CDH6: variants seen among roughly 807,000 people sequenced by gnomAD.
CDH6 encodes the protein cadherin 6.
CDH6 carries 31 observed loss-of-function variants against 78.0 expected under a neutral mutation model. That is an observed-to-expected ratio of 0.40 (90% CI 0.30 to 0.54). CDH6 has a LOEUF of 0.54. CDH6 is among the 20% of genes least tolerant of loss of function. CDH6 has a pLI of 0.56. For missense variants in CDH6, 724 were observed against 975.9 expected (o/e 0.74, Z 3.44); for synonymous variants, 376 against 368.8 (o/e 1.02, Z -0.23).
chr5:31,292,264 A>G (rs1737394648), intron 2 of CDH6, among the ~76,000 whole-genome samples: 1 of 152,216 alleles, frequency 6.6e-6, no homozygotes, highest in Admixed American at 6.5e-5. Flanking sequence ...TAAACAAGAC[A>G]GGGAAAACTA....
Position 31,326,593 on chromosome 5 carries a change from C to T in CDH6, c.*3285C>T, listed in dbSNP as rs1203088330. ...TACTCCCTTTTCAGATGGAACAAAA[C>T]CTGCCCATTTAATTTTAACGCAGTA... On this transcript the variant is annotated 3_prime_UTR_variant, in exon 12 of 12. Coordinates refer to ENST00000265071, the MANE Select transcript of CDH6 (RefSeq NM_004932.4). 2 of 185,824 alleles carry T rather than the reference C, an allele frequency of 1.1e-5. No individual in the cohort carries two copies. Among genetic ancestry groups the T allele is most frequent in the African/African-American group, 4.7e-5 (2 of 42,658 alleles). 11.5% of individuals were successfully genotyped at this position (185,824 alleles called of 1,614,324 possible).
At position 31,297,186 on chromosome 5, in the gene CDH6, C is replaced by G. The variant is rs10042949; in HGVS notation, c.524-103C>G. The G allele has an allele frequency of 3.0e-3, 3,025 of 993,258 alleles. 73 individuals are homozygous for G. In the African/African-American group the frequency reaches 0.044, roughly 14 times the overall value. The allele number at this position is 993,258 out of a possible 1,614,324, so 61.5% of individuals were successfully genotyped here. On this transcript the variant is annotated intron_variant, in intron 3 of 11. Transcript: ENST00000265071. ...CTACCAAAGTTCTCGACTTCCTCAG[C>G]ATGATATTTCCATACAAAATTAAGA...
intron 8 of CDH6, 38 bp from the exon 9 acceptor site, chr5:31,316,170 A>C (rs999374243): frequency 6.3e-7 from 1 of 1,584,758 alleles, no homozygotes; most frequent in African/African-American, 1.4e-5. Context: ...GGCAATCAAC[A>C]TGTAAATGCC....
chr5:31,266,894 A>T (rs533452270), intron 1 of CDH6, among the ~76,000 whole-genome samples: 1 of 152,208 alleles, frequency 6.6e-6, no homozygotes, highest in Non-Finnish European at 1.5e-5. Flanking sequence ...TCAGGGATTC[A>T]ATACATTTTA....
At position 31,305,387 on chromosome 5, in the gene CDH6, G is replaced by A. The variant is rs774976574; in HGVS notation, c.1213G>A (p.Val405Ile). ...DAQINTTIGS[V>I]TAQDPDAARN... ...TCAGATAAACACCACAATAGGCTCCGTCACAGCCCAAGATCCAGATGCTGC... is the reference window on the plus strand; with the variant it reads ...TCAGATAAACACCACAATAGGCTCCATCACAGCCCAAGATCCAGATGCTGC... The change falls in exon 7 of 12, where the codon GTC (valine) becomes ATC (isoleucine). Residue 405 changes from valine to isoleucine, a missense_variant. By Grantham distance (29) the Val-to-Ile change is conservative. Coordinates refer to ENST00000265071, the MANE Select transcript of CDH6 (RefSeq NM_004932.4). 28 of 1,613,958 alleles carry A rather than the reference G, an allele frequency of 1.7e-5. No individual in the cohort carries two copies. The highest frequency in any genetic ancestry group is 1.6e-4 in the Middle Eastern group (1 of 6,078).
At chr5:31,241,167 G>A (rs545260518) in intron 1 of CDH6, among the ~76,000 whole-genome samples, 123 of 152,260 alleles carry the variant, frequency 8.1e-4, no homozygotes, top group Non-Finnish European at 1.6e-3. Flanking sequence ...TGGTCATGGC[G>A]TCTCTCAGCC....
intron 4 of CDH6, among the ~76,000 whole-genome samples, chr5:31,298,836 G>C (rs978879358): frequency 6.6e-6 from 1 of 152,086 alleles, no homozygotes; most frequent in Non-Finnish European, 1.5e-5. Flanking sequence ...AATTCTAAAA[G>C]GCTGAAAGAC....
At chr5:31,224,515 C>G (rs1741093856) in intron 1 of CDH6, among the ~76,000 whole-genome samples, 1 of 152,140 alleles carries the variant, frequency 6.6e-6, no homozygotes, top group South Asian at 2.1e-4. Context: ...CAGTTAATCT[C>G]CAAGTTTCCA....
intron 2 of CDH6, among the ~76,000 whole-genome samples, chr5:31,285,410 T>A (rs945524887): frequency 6.6e-6 from 1 of 152,240 alleles, no homozygotes; most frequent in African/African-American, 2.4e-5. Context: ...GTTCCTTCTA[T>A]GCTATTCTCC....
At chr5:31,243,804 A>C (rs1468821906) in intron 1 of CDH6, among the ~76,000 whole-genome samples, 1 of 152,216 alleles carries the variant, frequency 6.6e-6, no homozygotes, top group African/African-American at 2.4e-5. Flanking sequence ...GCAAACCTCG[A>C]TTCTATCTAC....
rs1196739181 is a variant in CDH6 at position 31,328,841 on chromosome 5, A to G, written c.*5533A>G. 1.8e-5 allele frequency: 4 copies of G among 219,432 alleles called. No individual in the cohort carries two copies. Among genetic ancestry groups the G allele is most frequent in the African/African-American group, 4.5e-5 (2 of 44,594 alleles). The allele number at this position is 219,432 out of a possible 1,614,324, so 13.6% of individuals were successfully genotyped here. On this transcript the variant is annotated 3_prime_UTR_variant, in exon 12 of 12. Transcript: ENST00000265071. The stretch of plus-strand genomic sequence containing the variant: ...CAAGCAATGCTCAGTTCCCATCAAC[A>G]TTTCTAGTTAGGGGGATTCTCATAA...
At chr5:31,208,686 C>T (rs1185319932) in intron 1 of CDH6, among the ~76,000 whole-genome samples, 3 of 152,076 alleles carry the variant, frequency 2.0e-5, no homozygotes, top group African/African-American at 4.8e-5. Context: ...GTTATCAACC[C>T]ATAGTAGCAC....
chr5:31,228,820 G>A (rs1043718468), intron 1 of CDH6, among the ~76,000 whole-genome samples: 5 of 152,296 alleles, frequency 3.3e-5, no homozygotes, highest in Middle Eastern at 6.8e-3. Context: ...CTGTGTGGCC[G>A]GGTTCCTAAC....
At chr5:31,272,829 G>T (rs1288469732) in intron 2 of CDH6, among the ~76,000 whole-genome samples, 1 of 152,136 alleles carries the variant, frequency 6.6e-6, no homozygotes, top group Non-Finnish European at 1.5e-5. Context: ...TTAATAAACT[G>T]TATATTTTCA....
At chr5:31,214,736 T>C (rs1440628069) in intron 1 of CDH6, among the ~76,000 whole-genome samples, 1 of 152,202 alleles carries the variant, frequency 6.6e-6, no homozygotes, top group Non-Finnish European at 1.5e-5. Flanking sequence ...TGGAACCTCA[T>C]AGAAACTGCC....
At position 31,202,429 on chromosome 5, in the gene CDH6, GT is replaced by G. The variant is rs1238094590; in HGVS notation, c.-129+8546del. ...GCAGGCGGATCAACTGAGGTTAGGA[GT>G]TTGAGACCAGCCTGACCAACATAGT... On this transcript the variant is annotated intron_variant, in intron 1 of 11. Transcript: ENST00000265071. Among the ~76,000 whole-genome samples, 16 of 152,122 alleles carry G rather than the reference GT, an allele frequency of 1.1e-4. 1 individual carries two copies. Among genetic ancestry groups the G allele is most frequent in the Admixed American group, 1.0e-3 (16 of 15,262 alleles).
intron 7 of CDH6, among the ~76,000 whole-genome samples, chr5:31,308,462 A>G (rs1386629928): frequency 6.6e-6 from 1 of 150,788 alleles, no homozygotes; most frequent in Non-Finnish European, 1.5e-5. Context: ...ACCTAGCAGA[A>G]GGATCTGCTA....
At chr5:31,233,090 C>T (rs561190825) in intron 1 of CDH6, among the ~76,000 whole-genome samples, 3 of 152,176 alleles carry the variant, frequency 2.0e-5, no homozygotes, top group South Asian at 4.2e-4. Flanking sequence ...CACACACACG[C>T]GTACATAGAC....
chr5:31,211,350 A>C (rs2111805383), intron 1 of CDH6, among the ~76,000 whole-genome samples: 1 of 152,116 alleles, frequency 6.6e-6, no homozygotes, highest in South Asian at 2.1e-4. Context: ...TTCTTAAGAA[A>C]GTTTTTGCCT....
Sources: allele counts gnomAD v4.1 joint callset (sites outside exome capture counted in the v4.1 genomes callset), GRCh38; gene constraint gnomAD v4.1.1; transcripts MANE v1.5; gene names NCBI Gene and HGNC (gene_info 2026-07-23, HGNC 2026-07-21).